Variants in NTSR1 observed in about 807,000 individuals in gnomAD.
NTSR1 encodes the protein neurotensin receptor type 1.
In NTSR1, 29 loss-of-function variants were observed where a neutral mutation model predicts 31.2. That is an observed-to-expected ratio of 0.93 (90% CI 0.69 to 1.27). NTSR1 has a LOEUF of 1.27. Among genes scored for constraint, NTSR1 ranks in the 50% most tolerant of loss-of-function variants. The pLI is 0.00. For missense variants in NTSR1, 697 were observed against 595.4 expected (o/e 1.17, Z -1.78); for synonymous variants, 282 against 269.9 (o/e 1.04, Z -0.44).
In NTSR1 at chr20:62,754,871, G is replaced by A. The variant is rs148569146; in HGVS notation, c.901G>A (p.Gly301Ser). ...TGGCAGGGTCCAGGCCCTGCGGCAC[G>A]GCGTGCGCGTCCTACGTACGTAACC... The part of the protein sequence containing the change: ...EPGRVQALRH[G>S]VRVLRAVVIA... Residue 301 changes from glycine (G) to serine (S), a missense_variant, in exon 2 of 4, where the codon GGC (glycine) becomes AGC (serine). Gly to Ser is a moderately conservative substitution (Grantham distance 56, BLOSUM62 0). Transcript: ENST00000370501. 42 of 1,601,580 alleles carry A rather than the reference G, an allele frequency of 2.6e-5. 1 individual carries two copies. In the Middle Eastern group the frequency reaches 6.6e-4, roughly 25 times the overall value.
rs867329508 is a variant in NTSR1, at chr20:62,755,298, T to C, written c.916+412T>C. ...CTCTCTCCCTCCTTCCCTCCATTCATTCCTCTACCTCTCCCTCCCTTCCTT... is the reference window on the plus strand; with the variant it reads ...CTCTCTCCCTCCTTCCCTCCATTCACTCCTCTACCTCTCCCTCCCTTCCTT... On this transcript the variant is annotated intron_variant, in intron 2 of 3. Transcript: ENST00000370501. Among the ~76,000 whole-genome samples the C allele has an allele frequency of 5.1e-3, 478 of 94,004 alleles. 3 individuals are homozygous for C. Among genetic ancestry groups the C allele is most frequent in the African/African-American group, 0.02 (366 of 18,236 alleles). The allele number at this position is 94,004 out of a possible 152,430, so 61.7% of individuals were successfully genotyped here.
Position 62,709,350 on chromosome 20 carries a change from C to T in NTSR1, c.143C>T (p.Ala48Val). 5 of 1,609,798 alleles carry T rather than the reference C, an allele frequency of 3.1e-6. No homozygotes were observed. The highest frequency in any genetic ancestry group is 1.3e-5 in the African/African-American group (1 of 75,008). The change falls in exon 1 of 4, where the codon GCG (alanine) becomes GTG (valine). Residue 48 changes from alanine (A) to valine (V), a missense_variant. Physicochemically the swap from Ala to Val is moderately conservative, Grantham distance 64. Coordinates refer to ENST00000370501, the MANE Select transcript of NTSR1 (RefSeq NM_002531.3). ...ASGNASERVL[A>V]APSSELDVNT... ...GGCAACGCGTCGGAGCGCGTCCTGG[C>T]GGCACCCAGCAGCGAGCTGGACGTG...
At chr20:62,739,198 A>G (rs1419133763) in intron 1 of NTSR1, among the ~76,000 whole-genome samples, 2 of 152,184 alleles carry the variant, frequency 1.3e-5, no homozygotes, top group African/African-American at 4.8e-5. Context: ...ACTTCCGGGC[A>G]GCAGGCCCCC....
rs943840411 is a variant in NTSR1 at position 62,732,971 on chromosome 20, G to A, written c.715-21714G>A. The stretch of plus-strand genomic sequence containing the variant: ...AACGGCGCTGACGTCGCCTAAAGGG[G>A]GTTCCCAGCTGGCAGCCTCCAGGTG... On this transcript the variant is annotated intron_variant, in intron 1 of 3. Transcript: ENST00000370501. This position sits in a 1 kb window ranked among gnomAD's most constrained non-coding sequence, Gnocchi z 4.0. The A allele has an allele frequency of 4.6e-5, 7 of 152,008 alleles. No individual in the cohort carries two copies. The highest frequency in any genetic ancestry group is 1.7e-4 in the African/African-American group (7 of 41,374). 9.4% of individuals were successfully genotyped at this position (152,008 alleles called of 1,614,324 possible).
chr20:62,726,064 G>T (rs1429602807), intron 1 of NTSR1, among the ~76,000 whole-genome samples: 1 of 152,240 alleles, frequency 6.6e-6, no homozygotes, highest in Non-Finnish European at 1.5e-5. Flanking sequence ...GAATAAAATG[G>T]ACATGCTCAC....
At chr20:62,754,568 G>A (rs781568022) in intron 1 of NTSR1, 117 bp from the exon 2 acceptor site, 29 of 834,756 alleles carry the variant, frequency 3.5e-5, no homozygotes, top group Middle Eastern at 4.5e-4. Flanking sequence ...AACTTGTGTT[G>A]ACTGAGCACC....
In NTSR1 at chr20:62,715,458, G is replaced by C. The variant is rs946920080; in HGVS notation, c.714+5537G>C. 2.0e-5 allele frequency among the ~76,000 whole-genome samples: 3 copies of C among 152,246 alleles called. No individual in the cohort carries two copies. Among genetic ancestry groups the C allele is most frequent in the African/African-American group, 7.2e-5 (3 of 41,464 alleles). On this transcript the variant is annotated intron_variant, in intron 1 of 3. Coordinates refer to ENST00000370501, the MANE Select transcript of NTSR1 (RefSeq NM_002531.3). This position sits in a 1 kb window ranked among gnomAD's most constrained non-coding sequence, Gnocchi z 4.7. ...GGAAGGCCTAGCCTGACCCTGTGGTGCTCCCCGTGGGGACAACGGTCAGGC... is the reference window on the plus strand; with the variant it reads ...GGAAGGCCTAGCCTGACCCTGTGGTCCTCCCCGTGGGGACAACGGTCAGGC...
chr20:62,728,080 G>T (rs1263380850), intron 1 of NTSR1, among the ~76,000 whole-genome samples: 1 of 149,990 alleles, frequency 6.7e-6, no homozygotes, highest in African/African-American at 2.4e-5. Flanking sequence ...CCCCTCCTGG[G>T]GCTCCTTATG....
rs45501399 is a variant in NTSR1, at chr20:62,761,421, A to G, written c.*1154A>G. 1,047 of 152,466 alleles carry G rather than the reference A, an allele frequency of 6.9e-3. 7 individuals are homozygous for G. The highest frequency in any genetic ancestry group is 0.017 in the Middle Eastern group (5 of 296). The allele number at this position is 152,466 out of a possible 1,614,324, so 9.4% of individuals were successfully genotyped here. ...GGCGGCAGCCCTGGCCCCGGCCTCC[A>G]AGCAGTTGAAAAAGCTGGCGCCTCC... On this transcript the variant is annotated 3_prime_UTR_variant, in exon 4 of 4. Transcript: ENST00000370501.
intron 1 of NTSR1, among the ~76,000 whole-genome samples, chr20:62,752,900 G>A (rs1394284513): frequency 3.3e-5 from 5 of 151,978 alleles, no homozygotes; most frequent in East Asian, 3.9e-4. Flanking sequence ...GGAGGGACGC[G>A]GGACGGCCTC....
intron 1 of NTSR1, among the ~76,000 whole-genome samples, chr20:62,716,471 T>C (rs560694413): frequency 1.3e-5 from 1 of 76,744 alleles, no homozygotes; most frequent in Admixed American, 1.4e-4. Context: ...AAATGTTCTG[T>C]ATCTTCGTTG....
At chr20:62,717,625 T>C (rs1318936387) in intron 1 of NTSR1, among the ~76,000 whole-genome samples, 2 of 152,128 alleles carry the variant, frequency 1.3e-5, no homozygotes, top group Non-Finnish European at 2.9e-5. Context: ...TGAGCATGAT[T>C]TGTGTTCTCC....
At chr20:62,716,081 G>A (rs1214896338) in intron 1 of NTSR1, among the ~76,000 whole-genome samples, 2 of 152,208 alleles carry the variant, frequency 1.3e-5, no homozygotes, top group African/African-American at 4.8e-5. Flanking sequence ...TTACCATCTG[G>A]AAGGGCACAG....
chr20:62,725,859 C>G (rs558383565), intron 1 of NTSR1, among the ~76,000 whole-genome samples: 1 of 152,068 alleles, frequency 6.6e-6, no homozygotes, highest in South Asian at 2.1e-4. Flanking sequence ...AGGAGGGAGG[C>G]TAGCAGTGCC....
intron 1 of NTSR1, among the ~76,000 whole-genome samples, chr20:62,721,506 G>C (rs1988827270): frequency 6.6e-6 from 1 of 152,226 alleles, no homozygotes; most frequent in Non-Finnish European, 1.5e-5. Flanking sequence ...TTGTCTCACT[G>C]TCTGTCCGTG....
chr20:62,760,393 A>C lies in NTSR1; in HGVS notation c.*126A>C. The C allele has an allele frequency of 9.3e-7, 1 of 1,072,942 alleles. No individual in the cohort carries two copies. Among genetic ancestry groups the C allele is most frequent in the Non-Finnish European group, 1.3e-6 (1 of 769,830 alleles). The allele number at this position is 1,072,942 out of a possible 1,614,324, so 66.5% of individuals were successfully genotyped here. A position where few individuals can be genotyped will look rare whatever the true frequency, so the allele number is the denominator to read the frequency against. Reference sequence around the variant, plus strand: ...AGAGGCCAGCCTGCACTGGAGTCTGAGGCCTGGGACCCCCCCCTCCCACCC... The same window carrying C: ...AGAGGCCAGCCTGCACTGGAGTCTGCGGCCTGGGACCCCCCCCTCCCACCC... On this transcript the variant is annotated 3_prime_UTR_variant, in exon 4 of 4. Transcript: ENST00000370501.
intron 1 of NTSR1, among the ~76,000 whole-genome samples, chr20:62,717,221 G>C (rs1482060871): frequency 1.3e-5 from 2 of 152,242 alleles, no homozygotes. Flanking sequence ...GGTTGGAGAG[G>C]GGAGGTGCCC....
chr20:62,752,705 T>C (rs2147147168), intron 1 of NTSR1, among the ~76,000 whole-genome samples: 1 of 152,324 alleles, frequency 6.6e-6, no homozygotes, highest in Middle Eastern at 3.4e-3. Flanking sequence ...ACATTGGTGC[T>C]GTTTAAACTA....
chr20:62,709,543 C>T lies in NTSR1; in HGVS notation c.336C>T (p.Asp112=). The change falls in exon 1 of 4, where the codon GAC becomes GAT. Residue 112 remains aspartate, a synonymous_variant. Transcript: ENST00000370501. ...HYHLGSLALS[D]LLTLLLAMPV... is the part of the protein sequence containing the mutation. Reference sequence around the variant, plus strand: ...ACCTGGGCAGCCTGGCGCTGTCCGACCTGCTCACCCTGCTGCTGGCCATGC... The same window carrying T: ...ACCTGGGCAGCCTGGCGCTGTCCGATCTGCTCACCCTGCTGCTGGCCATGC... 6.2e-7 allele frequency: 1 copy of T among 1,612,152 alleles called. No homozygotes were observed. The highest frequency in any genetic ancestry group is 8.5e-7 in the Non-Finnish European group (1 of 1,179,854).
Sources: allele counts gnomAD v4.1 joint callset (sites outside exome capture counted in the v4.1 genomes callset), GRCh38; gene constraint gnomAD v4.1.1; non-coding constraint Gnocchi (gnomAD v3.1); transcripts MANE v1.5; gene names NCBI Gene and HGNC (gene_info 2026-07-23, HGNC 2026-07-21).